Variants in MLIP observed in about 807,000 individuals in gnomAD.
MLIP encodes muscular LMNA-interacting protein.
Under a neutral mutation model 84.8 loss-of-function variants are expected in MLIP, and 79 were observed. The observed-to-expected ratio is 0.93, with a 90% confidence interval of 0.78 to 1.12. MLIP has a LOEUF of 1.12. Among genes scored for constraint, MLIP ranks in the 50% most tolerant of loss-of-function variants. The pLI, the probability that MLIP is intolerant of heterozygous loss-of-function variation, is 0.00. For synonymous variants in MLIP, 504 were observed against 463.0 expected (o/e 1.09, Z -1.14); for missense variants, 1,257 against 1,160.6 (o/e 1.08, Z -1.21).
chr6:54,181,470 G>A (rs900356077), intron 9 of MLIP, among the ~76,000 whole-genome samples: 8 of 152,104 alleles, frequency 5.3e-5, no homozygotes, highest in African/African-American at 1.9e-4. Flanking sequence ...GCCTATGCCT[G>A]GATTCAGGGA....
intron 9 of MLIP, among the ~76,000 whole-genome samples, chr6:54,186,861 A>C (rs1402859942): frequency 6.6e-6 from 1 of 152,138 alleles, no homozygotes; most frequent in Admixed American, 6.5e-5. Flanking sequence ...AAAGAACCTA[A>C]AGTTCTTGTA....
At chr6:54,020,158 C>T (rs930072547) in intron 1 of MLIP, among the ~76,000 whole-genome samples, 4 of 152,112 alleles carry the variant, frequency 2.6e-5, no homozygotes, top group Non-Finnish European at 4.4e-5. Context: ...AAAATTCTTG[C>T]CCACAACTAC....
At chr6:54,244,255 C>A (rs1029064195) in intron 12 of MLIP, among the ~76,000 whole-genome samples, 13 of 152,050 alleles carry the variant, frequency 8.5e-5, no homozygotes, top group South Asian at 4.2e-4. Context: ...ACTTTTCTGA[C>A]AAGTTTTTAA....
At chr6:54,214,361 T>C (rs1341457604) in intron 11 of MLIP, among the ~76,000 whole-genome samples, 1 of 152,216 alleles carries the variant, frequency 6.6e-6, no homozygotes, top group Non-Finnish European at 1.5e-5. Context: ...TGGCAATCGC[T>C]GGAAAAATTC....
chr6:54,135,335 C>G (rs1009219667), intron 3 of MLIP, among the ~76,000 whole-genome samples: 2 of 152,008 alleles, frequency 1.3e-5, no homozygotes, highest in African/African-American at 4.8e-5. Context: ...ATTTATGTAG[C>G]AAGAATTCTT....
chr6:54,110,787 T>A (rs1769393455), upstream of MLIP, among the ~76,000 whole-genome samples: 1 of 152,216 alleles, frequency 6.6e-6, no homozygotes, highest in Non-Finnish European at 1.5e-5. Context: ...ATTTCACATA[T>A]GAAGTTTTAA....
chr6:54,242,525 TG>T (rs1245645290), intron 12 of MLIP, among the ~76,000 whole-genome samples: 2 of 152,160 alleles, frequency 1.3e-5, no homozygotes, highest in Admixed American at 1.3e-4. Context: ...AAATATTTTT[TG>T]CCAGAGGTTT....
At chr6:54,204,010 T>C (rs1415652046) in intron 11 of MLIP, among the ~76,000 whole-genome samples, 1 of 152,240 alleles carries the variant, frequency 6.6e-6, no homozygotes, top group Non-Finnish European at 1.5e-5. Flanking sequence ...GAAATCCCTA[T>C]GTAACCTTGA....
chr6:54,221,288 A>G (rs1016301392), intron 11 of MLIP, among the ~76,000 whole-genome samples: 1 of 152,166 alleles, frequency 6.6e-6, no homozygotes, highest in African/African-American at 2.4e-5. Flanking sequence ...AACCTGTTGG[A>G]AAAACATCTC....
chr6:54,091,332 G>A (rs755202517), intron 1 of MLIP, among the ~76,000 whole-genome samples: 1 of 152,084 alleles, frequency 6.6e-6, no homozygotes, highest in South Asian at 2.1e-4. Flanking sequence ...AATTTCTACA[G>A]CCACTTAATT....
intron 1 of MLIP, among the ~76,000 whole-genome samples, chr6:54,038,307 G>A (rs928448642): frequency 1.6e-4 from 24 of 152,026 alleles, no homozygotes; most frequent in African/African-American, 5.3e-4. Context: ...AATCTCAGAA[G>A]CACCTTGTTC....
chr6:54,070,742 T>G (rs1207120186), intron 1 of MLIP, among the ~76,000 whole-genome samples: 1 of 152,220 alleles, frequency 6.6e-6, no homozygotes, highest in East Asian at 1.9e-4. Flanking sequence ...TATTGTTTTT[T>G]TATGTGCATA....
chr6:54,238,642 A>G (rs1781520217), intron 12 of MLIP, among the ~76,000 whole-genome samples: 1 of 152,164 alleles, frequency 6.6e-6, no homozygotes, highest in Admixed American at 6.5e-5. Flanking sequence ...AGTCAGGATG[A>G]CTTTTCTGAT....
At chr6:54,031,292 G>A (rs557813514) in intron 1 of MLIP, 2 of 152,194 alleles carry the variant, frequency 1.3e-5, no homozygotes, top group Admixed American at 6.5e-5. Context: ...TGTCAGAGAG[G>A]AATGCAAGGC....
intron 8 of MLIP, among the ~76,000 whole-genome samples, chr6:54,162,610 T>C (rs971232234): frequency 8.6e-5 from 13 of 151,850 alleles, no homozygotes; most frequent in Non-Finnish European, 1.5e-4. Context: ...TAGAGAAGCA[T>C]GACGGTTTGA....
At chr6:54,045,498 T>C (rs1191935588) in intron 1 of MLIP, 1 of 152,158 alleles carries the variant, frequency 6.6e-6, no homozygotes, top group Non-Finnish European at 1.5e-5. Context: ...GGTAGACTTG[T>C]CATGAATGTT....
rs555417499 is a variant in MLIP, at chr6:54,142,329, AG to A, written c.2217+4044del. 1.4e-3 allele frequency among the ~76,000 whole-genome samples: 220 copies of A among 152,348 alleles called. 1 individual carries two copies. The highest frequency in any genetic ancestry group is 5.2e-3 in the African/African-American group (217 of 41,592). ...AAATAAGTAAATTATTGTGTGTGTC[AG>A]AAGGTCATATGTGTCATAGAGAAAA... is the stretch of plus-strand genomic sequence containing the variant. On this transcript the variant is annotated intron_variant, in intron 4 of 13. Transcript: ENST00000502396.
At chr6:54,201,303 G>A (rs1399278907) in intron 10 of MLIP, among the ~76,000 whole-genome samples, 1 of 152,142 alleles carries the variant, frequency 6.6e-6, no homozygotes, top group Non-Finnish European at 1.5e-5. Context: ...GTGTGTGTGA[G>A]GGAATCTGGT....
intron 4 of MLIP, among the ~76,000 whole-genome samples, chr6:54,146,543 A>G (rs1363835052): frequency 6.6e-6 from 1 of 152,188 alleles, no homozygotes; most frequent in Non-Finnish European, 1.5e-5. Flanking sequence ...AGCAGGAAGC[A>G]TATTTTGGCT....
Sources: allele counts gnomAD v4.1 joint callset (sites outside exome capture counted in the v4.1 genomes callset), GRCh38; gene constraint gnomAD v4.1.1; transcripts MANE v1.5; gene names NCBI Gene and HGNC (gene_info 2026-07-23, HGNC 2026-07-21).